SLCO6A1: variants seen among roughly 807,000 people sequenced by gnomAD.
SLCO6A1 encodes cancer/testis antigen 48.
Under a neutral mutation model 72.7 loss-of-function variants are expected in SLCO6A1, and 65 were observed. The observed-to-expected ratio is 0.89, with a 90% CI of 0.73 to 1.10. The LOEUF (loss-of-function observed/expected upper bound fraction) is 1.10, where lower values mean the gene tolerates loss of function less well. SLCO6A1 is among the 50% of genes least tolerant of loss of function. The pLI is 0.00. For synonymous variants in SLCO6A1, 314 were observed against 298.2 expected (o/e 1.05, Z -0.55); for missense variants, 874 against 872.6 (o/e 1.00, Z -0.02).
intron 10 of SLCO6A1, among the ~76,000 whole-genome samples, chr5:102,392,180 A>G (rs957782277): frequency 6.6e-6 from 1 of 152,096 alleles, no homozygotes; most frequent in Non-Finnish European, 1.5e-5. Flanking sequence ...AAGTGAGATA[A>G]TTCTACCCAT....
chr5:102,470,611 T>C (rs1751559499), intron 4 of SLCO6A1, among the ~76,000 whole-genome samples: 1 of 152,088 alleles, frequency 6.6e-6, no homozygotes, highest in Non-Finnish European at 1.5e-5. Flanking sequence ...AACCAGCTCC[T>C]GGATTCATTG....
At position 102,498,611 on chromosome 5, in the gene SLCO6A1, C is replaced by T. The variant is rs117774079; in HGVS notation, c.234G>A (p.Pro78=). 705 of 1,614,238 alleles carry T rather than the reference C, an allele frequency of 4.4e-4. 6 individuals carry two copies. In the East Asian group the frequency reaches 0.013, roughly 29 times the overall value. ...KKAKSSVSKK[P]GEVDDSLEQP... ...GCTCCAAACTGTCATCCACTTCTCC[C>T]GGCTTCTTGGAAACTGAGGACTTGG... Residue 78 remains proline (P), a synonymous_variant, in exon 1 of 14, where the codon CCG becomes CCA. Transcript: ENST00000506729.
At chr5:102,487,693 C>T in intron 1 of SLCO6A1, among the ~76,000 whole-genome samples, 1 of 152,146 alleles carries the variant, frequency 6.6e-6, no homozygotes, top group Non-Finnish European at 1.5e-5. Context: ...AATACTTGCC[C>T]AACCACTCAA....
rs76030791 is a variant in SLCO6A1 at position 102,483,117 on chromosome 5, A to G, written c.359-2683T>C. On this transcript the variant is annotated intron_variant, in intron 1 of 13. Transcript: ENST00000506729. Reference sequence around the variant, plus strand: ...GAATGGCTAGGGAAAGAGGCTGGCTAATATTCGTATCTATCTATCTACTTC... The same window carrying G: ...GAATGGCTAGGGAAAGAGGCTGGCTGATATTCGTATCTATCTATCTACTTC... Among the ~76,000 whole-genome samples the G allele has an allele frequency of 4.9e-4, 75 of 152,084 alleles. 1 individual carries two copies. The East Asian group carries it at 0.012, about 24-fold the overall frequency.
intron 9 of SLCO6A1, among the ~76,000 whole-genome samples, chr5:102,412,296 C>T (rs1748030347): frequency 1.3e-5 from 2 of 152,142 alleles, no homozygotes; most frequent in African/African-American, 4.8e-5. Flanking sequence ...CTTGAGCACA[C>T]GTTCTCAGGA....
intron 6 of SLCO6A1, among the ~76,000 whole-genome samples, chr5:102,441,307 C>T (rs576043923): frequency 3.0e-4 from 46 of 152,184 alleles, no homozygotes; most frequent in African/African-American, 9.9e-4. Context: ...TCACAAATAG[C>T]CCAATTGGCT....
intron 9 of SLCO6A1, among the ~76,000 whole-genome samples, chr5:102,410,364 T>C (rs1005725784): frequency 2.6e-5 from 4 of 152,182 alleles, no homozygotes; most frequent in African/African-American, 9.7e-5. Flanking sequence ...AGGGCTTTTA[T>C]GGACCTCAGA....
chr5:102,494,490 A>C (rs1453493548), intron 1 of SLCO6A1, among the ~76,000 whole-genome samples: 1 of 152,212 alleles, frequency 6.6e-6, no homozygotes, highest in African/African-American at 2.4e-5. Context: ...AAATATTAAA[A>C]AGCCACGGAT....
At chr5:102,405,014 G>A (rs1034705546) in intron 9 of SLCO6A1, among the ~76,000 whole-genome samples, 2 of 151,858 alleles carry the variant, frequency 1.3e-5, no homozygotes, top group Non-Finnish European at 2.9e-5. Context: ...TCCAACACAG[G>A]AACATGAATT....
intron 7 of SLCO6A1, among the ~76,000 whole-genome samples, chr5:102,423,001 C>T (rs1424236278): frequency 6.6e-6 from 1 of 152,102 alleles, no homozygotes; most frequent in Admixed American, 6.5e-5. Flanking sequence ...ATTTTAAACC[C>T]AGAATTTCAT....
chr5:102,492,426 T>G (rs1410011556), intron 1 of SLCO6A1, among the ~76,000 whole-genome samples: 2 of 152,078 alleles, frequency 1.3e-5, no homozygotes, highest in East Asian at 3.9e-4. Context: ...GATGGCCGAA[T>G]AGGAACAGCT....
At chr5:102,447,605 G>A (rs999408132) in intron 6 of SLCO6A1, among the ~76,000 whole-genome samples, 2 of 152,106 alleles carry the variant, frequency 1.3e-5, no homozygotes, top group Non-Finnish European at 2.9e-5. Flanking sequence ...ATCTTAGAAG[G>A]TTGCATGCTT....
At chr5:102,428,853 A>G (rs1749058308) in intron 7 of SLCO6A1, among the ~76,000 whole-genome samples, 2 of 152,162 alleles carry the variant, frequency 1.3e-5, no homozygotes, top group Admixed American at 6.5e-5. Flanking sequence ...TTTTGCCTTT[A>G]GCTCTTTGAG....
In SLCO6A1 at chr5:102,471,669, A is replaced by G. The variant is rs1299410198; in HGVS notation, c.899+4028T>C. On this transcript the variant is annotated intron_variant, in intron 4 of 13. Transcript: ENST00000506729. Reference sequence around the variant, plus strand: ...TGTGTCCAATTTATCCCTAGCAAGAATATCTGTGTACACAAACATTCAACA... The same window carrying G: ...TGTGTCCAATTTATCCCTAGCAAGAGTATCTGTGTACACAAACATTCAACA... 2.0e-5 allele frequency among the ~76,000 whole-genome samples: 3 copies of G among 152,072 alleles called. No individual in the cohort carries two copies. In the East Asian group the frequency reaches 5.8e-4, roughly 29 times the overall value.
At chr5:102,494,827 T>C (rs1752837234) in intron 1 of SLCO6A1, among the ~76,000 whole-genome samples, 1 of 152,234 alleles carries the variant, frequency 6.6e-6, no homozygotes, top group African/African-American at 2.4e-5. Flanking sequence ...AGCCACTTTG[T>C]AATTTGGCAG....
rs182614535 is a variant in SLCO6A1, at chr5:102,381,361, G to C, written c.2017+7327C>G. ...ATGCCTAGCTTATTTTGCTTAACAT[G>C]ATGTCCTGTAGTTTCACCCACATTG... is the stretch of plus-strand genomic sequence containing the variant. On this transcript the variant is annotated intron_variant, in intron 12 of 13. Coordinates refer to ENST00000506729, the MANE Select transcript of SLCO6A1 (RefSeq NM_173488.5). 1.9e-3 allele frequency among the ~76,000 whole-genome samples: 286 copies of C among 151,768 alleles called. 3 individuals are homozygous for C. The highest frequency in any genetic ancestry group is 9.2e-4 in the Non-Finnish European group (62 of 67,708).
chr5:102,433,758 C>T (rs6877762), intron 7 of SLCO6A1, among the ~76,000 whole-genome samples: 98,350 of 151,894 alleles, frequency 0.65, 32,043 homozygotes, highest in African/African-American at 0.67. Flanking sequence ...ACAGCAGCAG[C>T]GGCAGCATGG....
At chr5:102,423,594 C>T (rs559786225) in intron 7 of SLCO6A1, among the ~76,000 whole-genome samples, 5 of 152,158 alleles carry the variant, frequency 3.3e-5, no homozygotes, top group African/African-American at 1.2e-4. Context: ...ATATATGCAC[C>T]CAATACAAGA....
At chr5:102,483,995 T>C (rs1006388405) in intron 1 of SLCO6A1, among the ~76,000 whole-genome samples, 7 of 152,164 alleles carry the variant, frequency 4.6e-5, no homozygotes, top group African/African-American at 1.7e-4. Flanking sequence ...CTTATGAAAC[T>C]AGGAGAGAAG....
Sources: gnomAD v4.1 joint callset for allele counts (sites outside exome capture counted in the v4.1 genomes callset) on GRCh38, gnomAD v4.1.1 for gene constraint, MANE v1.5 for transcripts, NCBI Gene and HGNC (gene_info 2026-07-23, HGNC 2026-07-21) for gene names.